Variants in NXPH1 observed in about 807,000 individuals in gnomAD.
The protein encoded by NXPH1 is neurexophilin 1.
In NXPH1, 5 loss-of-function variants were observed where a neutral mutation model predicts 23.7. The observed-to-expected ratio is 0.21, with a 90% confidence interval of 0.11 to 0.44. The LOEUF is 0.44. Ranked by LOEUF, NXPH1 falls within the 20% of genes least tolerant of loss-of-function variation. The pLI, the probability that NXPH1 is intolerant of heterozygous loss-of-function variation, is 0.99. For missense variants in NXPH1, 324 were observed against 321.6 expected, an observed-to-expected ratio of 1.01 and a Z score of -0.06; for synonymous variants, 144 against 122.2, an observed-to-expected ratio of 1.18 and a Z score of -1.18.
intron 2 of NXPH1, among the ~76,000 whole-genome samples, chr7:8,562,073 T>A (rs1305200386): frequency 3.3e-5 from 5 of 151,722 alleles, no homozygotes; most frequent in African/African-American, 1.2e-4. Context: ...CTTGGCATGC[T>A]ATTGACTTAT....
At chr7:8,509,144 T>C (rs1276679040) in intron 2 of NXPH1, among the ~76,000 whole-genome samples, 1 of 152,130 alleles carries the variant, frequency 6.6e-6, no homozygotes, top group Non-Finnish European at 1.5e-5. Flanking sequence ...GCATGACTGC[T>C]GAGCCTACTG....
At chr7:8,544,964 C>A (rs556998108) in intron 2 of NXPH1, among the ~76,000 whole-genome samples, 4 of 151,592 alleles carry the variant, frequency 2.6e-5, no homozygotes, top group African/African-American at 9.7e-5. Flanking sequence ...TCTAGCGTGA[C>A]CTTAACAGAA....
chr7:8,636,247 C>T (rs1312341878), intron 2 of NXPH1, among the ~76,000 whole-genome samples: 1 of 152,156 alleles, frequency 6.6e-6, no homozygotes, highest in Non-Finnish European at 1.5e-5. Flanking sequence ...TGAAAGTTCC[C>T]TGTGTTTGTC....
At chr7:8,541,507 G>C (rs569348196) in intron 2 of NXPH1, among the ~76,000 whole-genome samples, 1 of 151,526 alleles carries the variant, frequency 6.6e-6, no homozygotes, top group East Asian at 2.0e-4. Flanking sequence ...AAAATATGAA[G>C]AAATCTTCAA....
chr7:8,717,894 G>GTATATATATATATA (rs3059127), intron 2 of NXPH1, among the ~76,000 whole-genome samples: 81 of 147,176 alleles, frequency 5.5e-4, no homozygotes, highest in Middle Eastern at 3.6e-3. Flanking sequence ...CTCTCTGTGT[G>GTATATATATATATA]TATATATATA....
chr7:8,473,913 C>T (rs1053503392), intron 2 of NXPH1, among the ~76,000 whole-genome samples: 2 of 152,052 alleles, frequency 1.3e-5, no homozygotes, highest in East Asian at 3.9e-4. Context: ...ACTCAGATTT[C>T]ATTTTCCACT....
At chr7:8,584,042 A>T (rs1007458886) in intron 2 of NXPH1, among the ~76,000 whole-genome samples, 2 of 152,212 alleles carry the variant, frequency 1.3e-5, no homozygotes, top group Admixed American at 6.5e-5. Flanking sequence ...TTTTCTTCAG[A>T]TATTACTATG....
At chr7:8,722,397 G>A (rs891882940) in intron 2 of NXPH1, among the ~76,000 whole-genome samples, 2 of 152,134 alleles carry the variant, frequency 1.3e-5, no homozygotes, top group African/African-American at 4.8e-5. Context: ...TTGCTTGACT[G>A]AAATTCTGTT....
intron 2 of NXPH1, among the ~76,000 whole-genome samples, chr7:8,639,109 A>T (rs1705861351): frequency 6.6e-6 from 1 of 152,240 alleles, no homozygotes; most frequent in Non-Finnish European, 1.5e-5. Context: ...TGTCAGTGCC[A>T]AATAAAATTG....
At chr7:8,735,639 A>G (rs1389152597) in intron 2 of NXPH1, among the ~76,000 whole-genome samples, 1 of 152,164 alleles carries the variant, frequency 6.6e-6, no homozygotes, top group Non-Finnish European at 1.5e-5. Flanking sequence ...TACCAGGATG[A>G]TGCTGGCCTC....
chr7:8,657,098 A>AC (rs1280789848), intron 2 of NXPH1, among the ~76,000 whole-genome samples: 1 of 152,226 alleles, frequency 6.6e-6, no homozygotes. Context: ...AGTTTTAGCT[A>AC]CATAAGGGCA....
intron 2 of NXPH1, among the ~76,000 whole-genome samples, chr7:8,669,627 C>T (rs967510607): frequency 2.0e-5 from 3 of 151,834 alleles, no homozygotes; most frequent in Non-Finnish European, 4.4e-5. Context: ...CTCTGAGGTT[C>T]AGTCTGAGGT....
chr7:8,616,963 G>A (rs919713317), intron 2 of NXPH1, among the ~76,000 whole-genome samples: 1 of 152,056 alleles, frequency 6.6e-6, no homozygotes, highest in Non-Finnish European at 1.5e-5. Context: ...TGTGCCAAGA[G>A]ATGGTGCCAG....
rs569388390 is a variant in NXPH1, at chr7:8,490,261, A to C, written c.54+54494A>C. ...CAGTAATTCAGATTAATTTTAAAAAACACAGGAGAGATTAAAAGAATGCAT... is the reference window on the plus strand; with the variant it reads ...CAGTAATTCAGATTAATTTTAAAAACCACAGGAGAGATTAAAAGAATGCAT... On this transcript the variant is annotated intron_variant, in intron 2 of 2. Transcript: ENST00000405863. Among the ~76,000 whole-genome samples the C allele has an allele frequency of 2.0e-5, 3 of 152,228 alleles. No homozygotes were observed. The South Asian group carries it at 6.2e-4, about 32-fold the overall frequency.
At chr7:8,703,959 A>G (rs1337046495) in intron 2 of NXPH1, among the ~76,000 whole-genome samples, 1 of 152,126 alleles carries the variant, frequency 6.6e-6, no homozygotes, top group Non-Finnish European at 1.5e-5. Context: ...AATACTCCAG[A>G]GGAAGAATGA....
At chr7:8,470,414 A>G (rs1816853896) in intron 2 of NXPH1, among the ~76,000 whole-genome samples, 1 of 152,166 alleles carries the variant, frequency 6.6e-6, no homozygotes, top group East Asian at 1.9e-4. Context: ...TTTTCCTACA[A>G]AGGGAAACAT....
intron 2 of NXPH1, among the ~76,000 whole-genome samples, chr7:8,620,092 T>C (rs1202469911): frequency 6.6e-6 from 1 of 152,172 alleles, no homozygotes; most frequent in Admixed American, 6.5e-5. Flanking sequence ...TGACCTCTAG[T>C]CACAAGGATC....
At chr7:8,717,193 T>G (rs1235308987) in intron 2 of NXPH1, among the ~76,000 whole-genome samples, 1 of 152,190 alleles carries the variant, frequency 6.6e-6, no homozygotes, top group African/African-American at 2.4e-5. Flanking sequence ...TGATGCATCC[T>G]TTCTCTTGAG....
intron 2 of NXPH1, among the ~76,000 whole-genome samples, chr7:8,624,898 T>C (rs1385531272): frequency 6.6e-6 from 1 of 152,132 alleles, no homozygotes; most frequent in Non-Finnish European, 1.5e-5. Flanking sequence ...ATTCAAGTCA[T>C]GACTCTTAAC....
Sources: gnomAD v4.1 joint callset for allele counts (sites outside exome capture counted in the v4.1 genomes callset) on GRCh38, gnomAD v4.1.1 for gene constraint, MANE v1.5 for transcripts, NCBI Gene and HGNC (gene_info 2026-07-23, HGNC 2026-07-21) for gene names.